The following GABPB2 variants were observed in gnomAD, a reference collection of about 807,000 sequenced individuals.
GABPB2 encodes the protein GA-binding protein subunit beta-2.
A neutral mutation model predicts 39.1 loss-of-function variants in GABPB2; 23 were observed. The ratio of observed to expected loss-of-function variants is 0.59; its 90% CI spans 0.42 to 0.83. The LOEUF (loss-of-function observed/expected upper bound fraction) is 0.83. GABPB2 is among the 40% of genes least tolerant of loss of function. GABPB2 has a pLI of 0.00. For missense variants in GABPB2, 467 were observed against 541.1 expected, an observed-to-expected ratio of 0.86 and a Z score of 1.36; for synonymous variants, 184 against 199.3, an observed-to-expected ratio of 0.92 and a Z score of 0.65.
chr1:151,094,642 C>G (rs989141695), intron 4 of GABPB2, among the ~76,000 whole-genome samples: 8 of 150,160 alleles, frequency 5.3e-5, no homozygotes, highest in Non-Finnish European at 1.0e-4. Flanking sequence ...AGCCACTGCG[C>G]CTGGCCTGCC....
At chr1:151,105,992 G>A (rs1012090075) in intron 6 of GABPB2, among the ~76,000 whole-genome samples, 26 of 145,014 alleles carry the variant, frequency 1.8e-4, no homozygotes, top group African/African-American at 6.1e-4. Context: ...ATGGAATCTC[G>A]CTCTTGTCAC....
chr1:151,071,514 G>A (rs1676719486), intron 1 of GABPB2, among the ~76,000 whole-genome samples: 1 of 128,182 alleles, frequency 7.8e-6, no homozygotes, highest in Non-Finnish European at 1.6e-5. Flanking sequence ...GTGCAGTGGC[G>A]CGATTTCGGC....
At chr1:151,106,356 G>A (rs1679966281) in intron 6 of GABPB2, among the ~76,000 whole-genome samples, 1 of 151,280 alleles carries the variant, frequency 6.6e-6, no homozygotes, top group Non-Finnish European at 1.5e-5. Context: ...TTTGTTTTTT[G>A]AGACAGAGTC....
rs192138381 is a variant in GABPB2, at chr1:151,115,825, C to T, written c.923-1567C>T. Among the ~76,000 whole-genome samples the T allele has an allele frequency of 7.2e-5, 11 of 152,196 alleles. No homozygotes were observed. In the East Asian group the frequency reaches 1.7e-3, roughly 24 times the overall value. On this transcript the variant is annotated intron_variant, in intron 7 of 8. Transcript: ENST00000368918. ...ATCACTTTTTAAAAAACTTTTAGCC[C>T]GGCACAGTGGCTCACACTTGTAATC...
intron 1 of GABPB2, among the ~76,000 whole-genome samples, chr1:151,075,124 A>C (rs942476904): frequency 6.6e-6 from 1 of 152,130 alleles, no homozygotes; most frequent in Non-Finnish European, 1.5e-5. Context: ...TCTGGGCGAC[A>C]GAGTGAGACA....
chr1:151,124,644 G>A lies in GABPB2; in HGVS notation c.*6388G>A, dbSNP rs1681309714. 6.6e-6 allele frequency: 1 copy of A among 151,978 alleles called. No homozygotes were observed. Among genetic ancestry groups the A allele is most frequent in the Non-Finnish European group, 1.5e-5 (1 of 68,034 alleles). The allele number at this position is 151,978 out of a possible 1,614,324, so 9.4% of individuals were successfully genotyped here. On this transcript the variant is annotated 3_prime_UTR_variant, in exon 9 of 9. Transcript: ENST00000368918. ...GAAGGCTTCCTCTTCTCTACTCCTT[G>A]TGCAAACCCATCTCTGGATAGCTAG...
chr1:151,098,658 G>T (rs966659174), intron 5 of GABPB2, among the ~76,000 whole-genome samples: 1 of 151,984 alleles, frequency 6.6e-6, no homozygotes, highest in Non-Finnish European at 1.5e-5. Context: ...AAACATAAGC[G>T]GCTTTTGGAG....
chr1:151,103,929 CTAGTT>C (rs1203222727), intron 6 of GABPB2, among the ~76,000 whole-genome samples: 2 of 152,146 alleles, frequency 1.3e-5, no homozygotes, highest in Non-Finnish European at 1.5e-5. Flanking sequence ...CTCCCTGACT[CTAGTT>C]ACTTCAGATT....
intron 1 of GABPB2, among the ~76,000 whole-genome samples, chr1:151,076,793 GA>G (rs1400713513): frequency 2.8e-5 from 4 of 142,792 alleles, no homozygotes; most frequent in Non-Finnish European, 6.1e-5. Flanking sequence ...AACTTGGTCT[GA>G]TTTTTTTTTT....
At chr1:151,106,955 G>T in intron 6 of GABPB2, 82 bp from the exon 7 acceptor site, 10 of 839,810 alleles carry the variant, frequency 1.2e-5, no homozygotes, top group South Asian at 7.4e-5. Flanking sequence ...CCTGAATGTT[G>T]TCAGGTTCAA....
In GABPB2 at chr1:151,109,368, T is replaced by A. The variant is rs867462963; in HGVS notation, c.922+2146T>A. Among the ~76,000 whole-genome samples the A allele has an allele frequency of 3.1e-3, 284 of 91,666 alleles. 1 individual carries two copies. Among genetic ancestry groups the A allele is most frequent in the African/African-American group, 0.012 (251 of 20,692 alleles). The allele number at this position is 91,666 out of a possible 152,430, so 60.1% of individuals were successfully genotyped here. On this transcript the variant is annotated intron_variant, in intron 7 of 8. Transcript: ENST00000368918. Reference sequence around the variant, plus strand: ...AATATATATATATATATATATATTTTTTTTTTTGAGTCAGAATCTTGCTCT... The same window carrying A: ...AATATATATATATATATATATATTTATTTTTTTGAGTCAGAATCTTGCTCT...
chr1:151,103,794 G>A, intron 6 of GABPB2, 119 bp downstream of exon 6: 1 of 672,694 alleles, frequency 1.5e-6, no homozygotes. Flanking sequence ...AGGCAGCTAA[G>A]GAAAAGGGAT....
At chr1:151,080,372 A>G (rs1246124384) in intron 1 of GABPB2, among the ~76,000 whole-genome samples, 2 of 146,000 alleles carry the variant, frequency 1.4e-5, no homozygotes, top group Admixed American at 6.9e-5. Flanking sequence ...TTAGCTGGGC[A>G]TGGTGGCACA....
intron 7 of GABPB2, among the ~76,000 whole-genome samples, chr1:151,114,490 G>T (rs763300275): frequency 3.9e-5 from 6 of 152,040 alleles, no homozygotes; most frequent in Non-Finnish European, 7.4e-5. Flanking sequence ...ACAAGGTCAA[G>T]AGATCGAGAC....
In GABPB2 at chr1:151,097,994, C is replaced by T; in HGVS notation, c.614C>T (p.Thr205Ile). Residue 205 changes from threonine (T) to isoleucine (I), a missense_variant, in exon 5 of 9, where the codon ACA (threonine) becomes ATA (isoleucine). By Grantham distance (89) the Thr-to-Ile change is moderately conservative (BLOSUM62 -1). Transcript: ENST00000368918. The stretch of plus-strand genomic sequence containing the variant: ...CTTATTTCTTCAACCAACACCAAAA[C>T]AACCTCAGGTAATGTTCTGATAACA... Reference protein sequence around the residue: ...ASLISSTNTKTTSGDPHASTV... With the variant: ...ASLISSTNTKITSGDPHASTV... The T allele has an allele frequency of 6.2e-7, 1 of 1,613,944 alleles. No homozygotes were observed. Among genetic ancestry groups the T allele is most frequent in the Non-Finnish European group, 8.5e-7 (1 of 1,179,912 alleles).
intron 1 of GABPB2, among the ~76,000 whole-genome samples, chr1:151,086,857 T>G (rs1321012537): frequency 6.6e-6 from 1 of 151,770 alleles, no homozygotes; most frequent in Non-Finnish European, 1.5e-5. Context: ...TTTGTATATA[T>G]ATTTTTTATT....
chr1:151,074,477 A>ATTT (rs35884850), intron 1 of GABPB2, among the ~76,000 whole-genome samples: 2 of 135,670 alleles, frequency 1.5e-5, no homozygotes, highest in Non-Finnish European at 3.1e-5. Flanking sequence ...TGCCCAGCTA[A>ATTT]TTTTTTTTTT....
intron 3 of GABPB2, among the ~76,000 whole-genome samples, chr1:151,091,956 T>G (rs1678748495): frequency 6.6e-6 from 1 of 151,518 alleles, no homozygotes; most frequent in Non-Finnish European, 1.5e-5. Flanking sequence ...CTAATTTATT[T>G]TTGTTTTTAT....
intron 7 of GABPB2, among the ~76,000 whole-genome samples, chr1:151,109,535 A>G (rs1201536934): frequency 6.9e-6 from 1 of 145,190 alleles, no homozygotes; most frequent in Non-Finnish European, 1.5e-5. Flanking sequence ...ATTTTTTTGT[A>G]TTTTTAGTAG....
Sources: allele counts gnomAD v4.1 joint callset (sites outside exome capture counted in the v4.1 genomes callset), GRCh38; gene constraint gnomAD v4.1.1; transcripts MANE v1.5; gene names NCBI Gene and HGNC (gene_info 2026-07-23, HGNC 2026-07-21).